The following KIAA0319 variants were observed in gnomAD, a reference collection of about 807,000 sequenced individuals.
KIAA0319 encodes KIAA0319.
Under a neutral mutation model 108.4 loss-of-function variants are expected in KIAA0319, and 83 were observed. That is an observed-to-expected ratio of 0.77 (90% CI 0.64 to 0.92). The LOEUF is 0.92. Among genes scored for constraint, KIAA0319 ranks in the 40% least tolerant of loss-of-function variants. KIAA0319 has a pLI of 0.00. For synonymous variants in KIAA0319, 484 were observed against 510.4 expected (o/e 0.95, Z 0.70); for missense variants, 1,195 against 1,322.4 (o/e 0.90, Z 1.49).
In KIAA0319 at chr6:24,623,304, C is replaced by T. The variant is rs147532172; in HGVS notation, c.-105-22096G>A. ...AATGTTAGAAGGCATAGGGGAGAGT[C>T]CAGAATTTTCATCATCTAGCTAAGA... On this transcript the variant is annotated intron_variant, in intron 1 of 20. Transcript: ENST00000378214. 6.2e-4 allele frequency among the ~76,000 whole-genome samples: 94 copies of T among 151,920 alleles called. No individual in the cohort carries two copies. In the East Asian group the frequency reaches 0.017, roughly 28 times the overall value.
Position 24,583,656 on chromosome 6 carries a change from TAA to T in KIAA0319, c.1039_1040del (p.Leu347ThrfsTer4). ...CCTTCAGTTCAACTTCATTGTCGGG[TAA>T]AGTTATAATTAGGTTATCTCCAGCC... ...VSAGDNLIIT[L>X]PDNEVELKAF... On this transcript the variant is annotated frameshift_variant, in exon 5 of 21. Coordinates refer to ENST00000378214, the MANE Select transcript of KIAA0319 (RefSeq NM_014809.4). LOFTEE classifies it high-confidence loss of function. The T allele has an allele frequency of 5.0e-6, 8 of 1,613,810 alleles. No homozygotes were observed. The highest frequency in any genetic ancestry group is 6.8e-6 in the Non-Finnish European group (8 of 1,179,858).
In KIAA0319 at chr6:24,559,010, T is replaced by C. The variant is rs150584710; in HGVS notation, c.2734+3A>G. On this transcript the variant is annotated splice_donor_region_variant and intron_variant, in intron 17 of 20. Transcript: ENST00000378214. ...GTTTTAGAATATTCCATAGGAGACC[T>C]ACCTGCTGTATCAACCCTCAAGACC... The C allele has an allele frequency of 3.8e-4, 604 of 1,608,892 alleles. 3 individuals are homozygous for C. Among genetic ancestry groups the C allele is most frequent in the Middle Eastern group, 3.0e-3 (17 of 5,598 alleles).
At chr6:24,604,543 A>T (rs1771128805) in intron 1 of KIAA0319, among the ~76,000 whole-genome samples, 1 of 152,200 alleles carries the variant, frequency 6.6e-6, no homozygotes. Flanking sequence ...TATAAGCCAA[A>T]TTCCCAATCC....
At chr6:24,575,160 C>T (rs946154350) in intron 10 of KIAA0319, among the ~76,000 whole-genome samples, 2 of 152,192 alleles carry the variant, frequency 1.3e-5, no homozygotes, top group Non-Finnish European at 2.9e-5. Flanking sequence ...ACATCTTAAT[C>T]AAGCTTAAGG....
chr6:24,543,001 T>G (rs1393476653), downstream of KIAA0319, among the ~76,000 whole-genome samples: 1 of 152,264 alleles, frequency 6.6e-6, no homozygotes, highest in Non-Finnish European at 1.5e-5. Flanking sequence ...GGTAGAATTT[T>G]GCTATAAATC....
intron 20 of KIAA0319, among the ~76,000 whole-genome samples, chr6:24,548,900 A>T (rs1561901762): frequency 6.6e-6 from 1 of 152,178 alleles, no homozygotes; most frequent in African/African-American, 2.4e-5. Context: ...GACAGTAGAC[A>T]TAGAGGTTGC....
chr6:24,581,811 CTTTA>C (rs990677498), intron 6 of KIAA0319, among the ~76,000 whole-genome samples: 2 of 152,184 alleles, frequency 1.3e-5, no homozygotes, highest in Admixed American at 6.5e-5. Context: ...ATGCCTGAAA[CTTTA>C]TTCATTCATA....
At position 24,580,876 on chromosome 6, in the gene KIAA0319, A is replaced by C. The variant is rs748812031; in HGVS notation, c.1279+50T>G. 5 of 1,282,734 alleles carry C rather than the reference A, an allele frequency of 3.9e-6. No individual in the cohort carries two copies. In the African/African-American group the frequency reaches 5.9e-5, roughly 15 times the overall value. 79.5% of individuals were successfully genotyped at this position (1,282,734 alleles called of 1,614,324 possible). ...GATATAGAGTCATCCAGGCACCAAA[A>C]ATTGAGATAAATATGTACAACAGGA... is the stretch of plus-strand genomic sequence containing the variant. On this transcript the variant is annotated intron_variant, in intron 7 of 20. Coordinates refer to ENST00000378214, the MANE Select transcript of KIAA0319 (RefSeq NM_014809.4).
intron 10 of KIAA0319, among the ~76,000 whole-genome samples, chr6:24,575,713 A>G (rs1418328591): frequency 6.6e-6 from 1 of 152,202 alleles, no homozygotes; most frequent in Non-Finnish European, 1.5e-5. Context: ...AATTTGAAGG[A>G]GAAAAGGAAG....
At position 24,599,366 on chromosome 6, in the gene KIAA0319, G is replaced by A. The variant is rs1488349461; in HGVS notation, c.55+1683C>T. 6.8e-5 allele frequency: 36 copies of A among 529,072 alleles called. No individual in the cohort carries two copies. Among genetic ancestry groups the A allele is most frequent in the South Asian group, 1.8e-4 (11 of 60,126 alleles). 32.8% of individuals were successfully genotyped at this position (529,072 alleles called of 1,614,324 possible). Reference sequence around the variant, plus strand: ...CCCTAGAGGCCACCATTGTGGATGCGGAGAAGCGTGGGGAGCTGGCCATTA... The same window carrying A: ...CCCTAGAGGCCACCATTGTGGATGCAGAGAAGCGTGGGGAGCTGGCCATTA... On this transcript the variant is annotated intron_variant, in intron 2 of 20. Transcript: ENST00000378214. This position sits in a 1 kb window ranked among gnomAD's most constrained non-coding sequence, Gnocchi z 4.1.
Position 24,544,561 on chromosome 6 carries a change from G to A in KIAA0319, c.*2604C>T, listed in dbSNP as rs1475112799. 6.6e-6 allele frequency: 1 copy of A among 152,154 alleles called. No individual in the cohort carries two copies. The highest frequency in any genetic ancestry group is 1.5e-5 in the Non-Finnish European group (1 of 68,030). The allele number at this position is 152,154 out of a possible 1,614,324, so 9.4% of individuals were successfully genotyped here. A position where few individuals can be genotyped will look rare whatever the true frequency, so the allele number is the denominator to read the frequency against. On this transcript the variant is annotated 3_prime_UTR_variant, in exon 21 of 21. Transcript: ENST00000378214. ...GTTGAGTGGTACATTTTCTTACCTT[G>A]CTGCATGTTTTTCAGATAGTTCCTT...
intron 8 of KIAA0319, among the ~76,000 whole-genome samples, chr6:24,578,740 GAACA>G (rs1267686088): frequency 6.6e-6 from 1 of 152,144 alleles, no homozygotes; most frequent in African/African-American, 2.4e-5. Flanking sequence ...CTTTAAAAGA[GAACA>G]AACATAATGT....
At chr6:24,633,429 T>G (rs1044660386) in intron 1 of KIAA0319, among the ~76,000 whole-genome samples, 1 of 152,132 alleles carries the variant, frequency 6.6e-6, no homozygotes, top group Non-Finnish European at 1.5e-5. Flanking sequence ...CAATACATAT[T>G]AAAGATAACA....
In KIAA0319 at chr6:24,596,364, G is replaced by A; in HGVS notation, c.310C>T (p.Leu104Phe). The change falls in exon 3 of 21, where the codon CTC becomes TTC. Residue 104 changes from leucine to phenylalanine, a missense_variant. Leu to Phe is a conservative substitution (Grantham distance 22). Transcript: ENST00000378214. ...TGTGCAGGCCTCTGAACAGGCCGGA[G>A]CACAAAAGTGAGATAAGACCTGATG... Reference protein sequence around the residue: ...GPIRSYLTFVLRPVQRPAQLL... With the variant: ...GPIRSYLTFVFRPVQRPAQLL... The A allele has an allele frequency of 6.2e-7, 1 of 1,614,230 alleles. No individual in the cohort carries two copies. Among genetic ancestry groups the A allele is most frequent in the South Asian group, 1.1e-5 (1 of 91,088 alleles).
chr6:24,551,206 C>T (rs1464099297), intron 20 of KIAA0319, among the ~76,000 whole-genome samples: 4 of 151,236 alleles, frequency 2.6e-5, no homozygotes, highest in Admixed American at 6.6e-5. Flanking sequence ...AGGGTGGTCT[C>T]GAACTACTGA....
chr6:24,640,607 A>T (rs1476976744), intron 1 of KIAA0319, among the ~76,000 whole-genome samples: 1 of 152,098 alleles, frequency 6.6e-6, no homozygotes, highest in African/African-American at 2.4e-5. Context: ...TATTTTTTAA[A>T]TTTTTTCATT....
At chr6:24,614,012 G>C (rs989779256) in intron 1 of KIAA0319, among the ~76,000 whole-genome samples, 1 of 152,166 alleles carries the variant, frequency 6.6e-6, no homozygotes, top group Non-Finnish European at 1.5e-5. Flanking sequence ...ATTATTCATA[G>C]ATTTCTCTTT....
At position 24,547,249 on chromosome 6, in the gene KIAA0319, C is replaced by T; in HGVS notation, c.3135G>A (p.Lys1045=). The change falls in exon 21 of 21, where the codon AAG becomes AAA. Residue 1045 remains lysine (K), a synonymous_variant. Coordinates refer to ENST00000378214, the MANE Select transcript of KIAA0319 (RefSeq NM_014809.4). Reference sequence around the variant, plus strand: ...AAACCTTTGGATTCCCTCTCTCCATCTTTTCTCGGCTGAAGATTGTGTCCT... The same window carrying T: ...AAACCTTTGGATTCCCTCTCTCCATTTTTTCTCGGCTGAAGATTGTGTCCT... The part of the protein sequence containing the change: ...SDQDTIFSRE[K]MERGNPKVSM... 1 of 1,614,196 alleles carries T rather than the reference C, an allele frequency of 6.2e-7. No homozygotes were observed. Among genetic ancestry groups the T allele is most frequent in the Non-Finnish European group, 8.5e-7 (1 of 1,180,000 alleles).
At chr6:24,626,827 A>G (rs1774785207) in intron 1 of KIAA0319, among the ~76,000 whole-genome samples, 4 of 152,204 alleles carry the variant, frequency 2.6e-5, no homozygotes, top group Admixed American at 1.3e-4. Flanking sequence ...TTTATTGTGC[A>G]ATTAGTTTTG....
Sources: gnomAD v4.1 joint callset for allele counts (sites outside exome capture counted in the v4.1 genomes callset) on GRCh38, gnomAD v4.1.1 for gene constraint, Gnocchi (gnomAD v3.1) non-coding constraint, MANE v1.5 for transcripts, NCBI Gene and HGNC (gene_info 2026-07-23, HGNC 2026-07-21) for gene names.